The following APPL2 variants were observed in gnomAD, a reference collection of about 807,000 sequenced individuals.
APPL2 encodes the protein adaptor protein, phosphotyrosine interacting with PH domain and leucine zipper 2, also known as DCC-interacting protein 13-beta.
A neutral mutation model predicts 92.7 loss-of-function variants in APPL2; 84 were observed. The ratio of observed to expected loss-of-function variants is 0.91; its 90% CI spans 0.76 to 1.09. The LOEUF (loss-of-function observed/expected upper bound fraction) is 1.09. APPL2 is among the 50% of genes least tolerant of loss of function. APPL2 has a pLI of 0.00. For synonymous variants in APPL2, 291 were observed against 291.0 expected, an observed-to-expected ratio of 1.00 and a Z score of 0.00; for missense variants, 736 against 824.5, an observed-to-expected ratio of 0.89 and a Z score of 1.31.
chr12:105,226,204 T>A (rs1254401472), intron 2 of APPL2, among the ~76,000 whole-genome samples: 1 of 152,236 alleles, frequency 6.6e-6, no homozygotes, highest in African/African-American at 2.4e-5. Flanking sequence ...AGAAAAGATT[T>A]CTTTCTTCAA....
At chr12:105,200,852 GTATGTATGTATGTATCTATCTATCTATC>G (rs1412630145) in intron 9 of APPL2, among the ~76,000 whole-genome samples, 7 of 137,118 alleles carry the variant, frequency 5.1e-5, no homozygotes, top group African/African-American at 1.1e-4. Flanking sequence ...ATGTATGTAT[GTATGTATGTATGTATCTATCTATCTATC>G]TATCTATCTA....
rs1192162066 is a variant in APPL2 at position 105,236,031 on chromosome 12, C to G, written c.-19G>C. The G allele has an allele frequency of 1.3e-5, 16 of 1,241,660 alleles. No homozygotes were observed. Among genetic ancestry groups the G allele is most frequent in the Non-Finnish European group, 1.5e-5 (15 of 985,618 alleles). 76.9% of individuals were successfully genotyped at this position (1,241,660 alleles called of 1,614,324 possible). A position where few individuals can be genotyped will look rare whatever the true frequency, so the allele number is the denominator to read the frequency against. On this transcript the variant is annotated 5_prime_UTR_variant, in exon 1 of 21. Transcript: ENST00000258530. ...CGGGCATGGTGCGGCGCGGCTCAGC[C>G]GAGGGCTGGGTTGGAAGGACAGAGG...
intron 4 of APPL2, among the ~76,000 whole-genome samples, chr12:105,212,381 C>G (rs1036439717): frequency 1.3e-5 from 2 of 152,146 alleles, no homozygotes; most frequent in Non-Finnish European, 2.9e-5. Flanking sequence ...CAGCTTTATA[C>G]GCTCAATACT....
At chr12:105,208,066 C>G (rs770447049) in intron 6 of APPL2, 37 bp from the exon 7 acceptor site, 17 of 1,613,912 alleles carry the variant, frequency 1.1e-5, no homozygotes, top group African/African-American at 4.0e-5. Context: ...CCAGGAGGGT[C>G]AGGGTCGAAA....
At position 105,188,771 on chromosome 12, in the gene APPL2, G is replaced by T. The variant is rs78590600; in HGVS notation, c.1460-324C>A. Reference sequence around the variant, plus strand: ...ATTGTACCTTTTCTCTGAAAAGAGTGAGTTCACTAGACAATAGAAAATTCA... The same window carrying T: ...ATTGTACCTTTTCTCTGAAAAGAGTTAGTTCACTAGACAATAGAAAATTCA... On this transcript the variant is annotated intron_variant, in intron 16 of 20. Coordinates refer to ENST00000258530, the MANE Select transcript of APPL2 (RefSeq NM_018171.5). 5.3e-5 allele frequency among the ~76,000 whole-genome samples: 8 copies of T among 152,296 alleles called. No individual in the cohort carries two copies. In the East Asian group the frequency reaches 1.5e-3, roughly 29 times the overall value.
chr12:105,176,156 A>G, intron 19 of APPL2, 74 bp from the exon 20 acceptor site: 8 of 1,352,100 alleles, frequency 5.9e-6, no homozygotes, highest in Non-Finnish European at 8.3e-6. Context: ...GTGATTTGGG[A>G]GTACAGTGAG....
At position 105,218,299 on chromosome 12, in the gene APPL2, C is replaced by T. The variant is rs181304299; in HGVS notation, c.154-574G>A. On this transcript the variant is annotated intron_variant, in intron 2 of 20. Coordinates refer to ENST00000258530, the MANE Select transcript of APPL2 (RefSeq NM_018171.5). ...TTTTTTAACCCTTTACAAATGACTG[C>T]TCCTTCTGGTCAGTCAGTCCATAAA... is the stretch of plus-strand genomic sequence containing the variant. Among the ~76,000 whole-genome samples the T allele has an allele frequency of 1.0e-3, 153 of 151,660 alleles. 1 individual carries two copies. The highest frequency in any genetic ancestry group is 3.4e-3 in the African/African-American group (143 of 41,532).
At chr12:105,189,624 T>C (rs1295074382) in intron 16 of APPL2, 148 bp downstream of exon 16, 72 of 888,908 alleles carry the variant, frequency 8.1e-5, no homozygotes, top group Non-Finnish European at 1.1e-4. Flanking sequence ...TTGCCTCCAC[T>C]GCAGATATCT....
At chr12:105,227,637 A>G (rs1236465065) in intron 2 of APPL2, among the ~76,000 whole-genome samples, 1 of 151,976 alleles carries the variant, frequency 6.6e-6, no homozygotes, top group Non-Finnish European at 1.5e-5. Flanking sequence ...CACCTCCTAA[A>G]TACCTCTCAA....
chr12:105,195,387 G>GTGGA, intron 13 of APPL2, 38 bp from the exon 14 acceptor site: 1 of 1,614,136 alleles, frequency 6.2e-7, no homozygotes, highest in Non-Finnish European at 8.5e-7. Context: ...GTCCCAGGAG[G>GTGGA]TGGACGCTTA....
intron 20 of APPL2, 110 bp from the exon 21 acceptor site, chr12:105,174,558 T>A (rs937419795): frequency 4.1e-6 from 5 of 1,216,642 alleles, no homozygotes; most frequent in Non-Finnish European, 5.6e-6. Context: ...TTCTCCTGAC[T>A]CTTGTGTATA....
At chr12:105,220,599 T>C (rs765714314) in intron 2 of APPL2, among the ~76,000 whole-genome samples, 4 of 152,328 alleles carry the variant, frequency 2.6e-5, no homozygotes, top group Admixed American at 6.5e-5. Context: ...TCCCCATATA[T>C]GCCTCCTTCA....
rs1231234644 is a variant in APPL2, at chr12:105,195,603, G to A, written c.1077C>T (p.Ser359=). ...GKSGIILQAE[S]RKENEEWICA... is the part of the protein sequence containing the mutation. ...TTTTTACCTCTTCATTTTCCTTTCT[G>A]CTCTCAGCCTGGAGGATTATTCCCC... Residue 359 remains serine (S), a synonymous_variant, in exon 12 of 21, where the codon AGC becomes AGT. Transcript: ENST00000258530. 6.2e-7 allele frequency: 1 copy of A among 1,614,194 alleles called. No homozygotes were observed.
chr12:105,225,999 G>A (rs533972207), intron 2 of APPL2, among the ~76,000 whole-genome samples: 2 of 152,186 alleles, frequency 1.3e-5, no homozygotes, highest in African/African-American at 4.8e-5. Flanking sequence ...TGTATCTTGC[G>A]GAGAGTCTGT....
intron 9 of APPL2, chr12:105,203,438 G>A (rs895163940): frequency 6.9e-6 from 3 of 436,394 alleles, no homozygotes; most frequent in Non-Finnish European, 1.2e-5. Flanking sequence ...TAAAACCACA[G>A]CAAAGCTAAG....
At chr12:105,227,991 G>A (rs1444409953) in intron 2 of APPL2, among the ~76,000 whole-genome samples, 1 of 152,130 alleles carries the variant, frequency 6.6e-6, no homozygotes, top group Non-Finnish European at 1.5e-5. Flanking sequence ...CTCCTCTCCT[G>A]GCCCCTCTAA....
intron 2 of APPL2, among the ~76,000 whole-genome samples, chr12:105,226,568 C>A (rs562488205): frequency 3.3e-5 from 5 of 152,284 alleles, no homozygotes; most frequent in African/African-American, 9.6e-5. Context: ...TGACAGACAC[C>A]GAAAGGCAGA....
At chr12:105,229,305 C>A (rs1890749929) in intron 1 of APPL2, 82 bp from the exon 2 acceptor site, 6 of 1,255,220 alleles carry the variant, frequency 4.8e-6, no homozygotes, top group Non-Finnish European at 6.7e-6. Context: ...CACACCCGCA[C>A]ATGCAGAAAC....
At position 105,174,132 on chromosome 12, in the gene APPL2, AACGCTG is replaced by A; in HGVS notation, c.*176_*181del. On this transcript the variant is annotated 3_prime_UTR_variant, in exon 21 of 21. Coordinates refer to ENST00000258530, the MANE Select transcript of APPL2 (RefSeq NM_018171.5). The stretch of plus-strand genomic sequence containing the variant: ...TAAAATAACATTGTAGATGGGTGGG[AACGCTG>A]TCAACCATTTCTTAGTTTCCCTCCC... 1 of 659,876 alleles carries A rather than the reference AACGCTG, an allele frequency of 1.5e-6. No individual in the cohort carries two copies. The highest frequency in any genetic ancestry group is 3.1e-5 in the East Asian group (1 of 32,062). The allele number at this position is 659,876 out of a possible 1,614,324, so 40.9% of individuals were successfully genotyped here.
Sources: allele counts gnomAD v4.1 joint callset (sites outside exome capture counted in the v4.1 genomes callset), GRCh38; gene constraint gnomAD v4.1.1; transcripts MANE v1.5; gene names NCBI Gene and HGNC (gene_info 2026-07-23, HGNC 2026-07-21).